CACNA2D1: variants seen among roughly 807,000 people sequenced by gnomAD.
CACNA2D1 encodes the protein calcium voltage-gated channel auxiliary subunit alpha2delta 1, also known as voltage-dependent calcium channel subunit alpha-2/delta-1.
In CACNA2D1, 53 loss-of-function variants were observed where a neutral mutation model predicts 171.5. That is an observed-to-expected ratio of 0.31 (90% CI 0.25 to 0.39). The LOEUF is 0.39. Among genes scored for constraint, CACNA2D1 ranks in the 10% least tolerant of loss-of-function variants. The pLI is 1.00. For missense variants in CACNA2D1, 903 were observed against 1,299.8 expected (o/e 0.69, Z 4.69); for synonymous variants, 442 against 443.1 (o/e 1.00, Z 0.03).
At chr7:82,357,689 T>C (rs1963307) in intron 1 of CACNA2D1, among the ~76,000 whole-genome samples, 101,182 of 137,914 alleles carry the variant, frequency 0.73, 36,215 homozygotes, top group African/African-American at 0.79. Flanking sequence ...ACAGAGAAAA[T>C]GGAAAGGAAG....
chr7:82,415,300 G>A (rs534509808), intron 1 of CACNA2D1, among the ~76,000 whole-genome samples: 27 of 152,150 alleles, frequency 1.8e-4, no homozygotes, highest in African/African-American at 6.3e-4. Context: ...TTGGGAGGCC[G>A]AGATGGGCGG....
intron 3 of CACNA2D1, among the ~76,000 whole-genome samples, chr7:82,282,811 G>C (rs1309632140): frequency 1.3e-5 from 2 of 151,778 alleles, no homozygotes; most frequent in East Asian, 3.9e-4. Context: ...TTTTCCTTTA[G>C]TTCAAATTTA....
chr7:82,208,957 T>C (rs544474444), intron 3 of CACNA2D1, among the ~76,000 whole-genome samples: 1 of 152,320 alleles, frequency 6.6e-6, no homozygotes, highest in East Asian at 1.9e-4. Context: ...CAATTTTTAT[T>C]TGTCAATTGA....
chr7:82,381,652 T>A (rs948817608), intron 1 of CACNA2D1, among the ~76,000 whole-genome samples: 1 of 152,076 alleles, frequency 6.6e-6, no homozygotes, highest in South Asian at 2.1e-4. Flanking sequence ...TATTGAAAAT[T>A]TATGGCAGGG....
intron 3 of CACNA2D1, among the ~76,000 whole-genome samples, chr7:82,177,095 G>GTT (rs1796616434): frequency 7.9e-6 from 1 of 126,336 alleles, no homozygotes; most frequent in Admixed American, 8.2e-5. Flanking sequence ...TTTGGCGGGG[G>GTT]TTGGGGGGCG....
chr7:82,332,315 C>T (rs896952775), intron 3 of CACNA2D1, among the ~76,000 whole-genome samples: 2 of 152,056 alleles, frequency 1.3e-5, no homozygotes, highest in African/African-American at 4.8e-5. Flanking sequence ...CTCGGCCTCC[C>T]AAAGTGCTGA....
intron 3 of CACNA2D1, among the ~76,000 whole-genome samples, chr7:82,253,152 C>T (rs975165934): frequency 6.7e-6 from 1 of 148,268 alleles, no homozygotes; most frequent in Non-Finnish European, 1.5e-5. Flanking sequence ...ATTTGACTTT[C>T]AAAATAATTT....
chr7:82,172,250 C>A (rs1346003039), intron 3 of CACNA2D1, among the ~76,000 whole-genome samples: 2 of 151,884 alleles, frequency 1.3e-5, no homozygotes, highest in Non-Finnish European at 2.9e-5. Flanking sequence ...AACTAAGCAG[C>A]AAAGCCAAAA....
At chr7:81,972,709 T>C (rs1795408672) in intron 25 of CACNA2D1, among the ~76,000 whole-genome samples, 1 of 151,912 alleles carries the variant, frequency 6.6e-6, no homozygotes, top group African/African-American at 2.4e-5. Context: ...CCCATTAAGC[T>C]CTGAAATACC....
intron 3 of CACNA2D1, among the ~76,000 whole-genome samples, chr7:82,230,048 T>C (rs1001361270): frequency 6.6e-6 from 1 of 152,212 alleles, no homozygotes; most frequent in Non-Finnish European, 1.5e-5. Context: ...TGTTGGAGTA[T>C]AATATCCAGA....
chr7:82,430,063 C>T (rs1471110729), intron 1 of CACNA2D1, among the ~76,000 whole-genome samples: 1 of 152,042 alleles, frequency 6.6e-6, no homozygotes, highest in African/African-American at 2.4e-5. Context: ...AAGTGACAAA[C>T]TTCATAAAAA....
rs150156941 is a variant in CACNA2D1, at chr7:82,408,809, C to T, written c.95+34556G>A. 1.1e-4 allele frequency among the ~76,000 whole-genome samples: 17 copies of T among 152,220 alleles called. No individual in the cohort carries two copies. In the East Asian group the frequency reaches 2.9e-3, roughly 26 times the overall value. On this transcript the variant is annotated intron_variant, in intron 1 of 38. Transcript: ENST00000356860. ...AGGTACCAGGCAGTTGTAAACACAG[C>T]GTAGTCAACTAATTACAGATGGTCC...
chr7:82,433,507 C>T (rs2129459078), intron 1 of CACNA2D1, among the ~76,000 whole-genome samples: 1 of 152,280 alleles, frequency 6.6e-6, no homozygotes, highest in South Asian at 2.1e-4. Flanking sequence ...TTATATCTAT[C>T]CTGTATTCCA....
At chr7:82,162,120 T>C (rs1339508780) in intron 4 of CACNA2D1, among the ~76,000 whole-genome samples, 1 of 152,030 alleles carries the variant, frequency 6.6e-6, no homozygotes, top group African/African-American at 2.4e-5. Flanking sequence ...ATAGAGGTAG[T>C]TGTTAACTAC....
chr7:82,083,953 T>C (rs1443107189), intron 7 of CACNA2D1, among the ~76,000 whole-genome samples: 1 of 152,176 alleles, frequency 6.6e-6, no homozygotes, highest in South Asian at 2.1e-4. Context: ...GGTCATACTG[T>C]AGCAATTTAA....
chr7:82,311,450 G>C (rs1459032508), intron 3 of CACNA2D1, among the ~76,000 whole-genome samples: 3 of 151,862 alleles, frequency 2.0e-5, no homozygotes, highest in Non-Finnish European at 4.4e-5. Context: ...AACTGATGGA[G>C]GACAAAACTA....
At chr7:82,015,353 A>G (rs1235687664) in intron 12 of CACNA2D1, among the ~76,000 whole-genome samples, 1 of 152,180 alleles carries the variant, frequency 6.6e-6, no homozygotes, top group Non-Finnish European at 1.5e-5. Flanking sequence ...TGGCTGACAC[A>G]TATAAATAGA....
At chr7:82,163,792 G>A (rs1795181374) in intron 4 of CACNA2D1, among the ~76,000 whole-genome samples, 1 of 151,908 alleles carries the variant, frequency 6.6e-6, no homozygotes, top group Admixed American at 6.6e-5. Flanking sequence ...CACTAGACTA[G>A]GCAAATATCC....
intron 37 of CACNA2D1, among the ~76,000 whole-genome samples, 181 bp from the exon 38 acceptor site, chr7:81,959,538 G>T (rs1793849109): frequency 3.3e-5 from 5 of 151,974 alleles, no homozygotes; most frequent in Admixed American, 3.3e-4. Flanking sequence ...CTTTTCTGGG[G>T]CATGTGTAGC....
Sources: gnomAD v4.1 joint callset for allele counts (sites outside exome capture counted in the v4.1 genomes callset) on GRCh38, gnomAD v4.1.1 for gene constraint, MANE v1.5 for transcripts, NCBI Gene and HGNC (gene_info 2026-07-23, HGNC 2026-07-21) for gene names.